Variants in CPEB1 observed in about 807,000 individuals in gnomAD.
CPEB1 encodes the protein cytoplasmic polyadenylation element-binding protein 1.
Under a neutral mutation model 65.8 loss-of-function variants are expected in CPEB1, and 7 were observed. That is an observed-to-expected ratio of 0.11 (90% CI 0.06 to 0.20). The LOEUF (loss-of-function observed/expected upper bound fraction) is 0.20, where lower values mean the gene tolerates loss of function less well. Ranked by LOEUF, CPEB1 falls within the 10% of genes least tolerant of loss-of-function variation. The probability of loss-of-function intolerance (pLI) is 1.00; values close to 1 mark genes in which losing one functional copy is unlikely to be tolerated. For missense variants in CPEB1, 551 were observed against 712.2 expected (o/e 0.77, Z 2.58); for synonymous variants, 262 against 260.0 (o/e 1.01, Z -0.08).
chr15:82,575,930 T>G (rs1259180), intron 3 of CPEB1, among the ~76,000 whole-genome samples: 2 of 151,972 alleles, frequency 1.3e-5, no homozygotes, highest in Non-Finnish European at 2.9e-5. Context: ...GCCCATTTCT[T>G]ACACAACTAA....
rs768624352 is a variant in CPEB1 at position 82,611,053 on chromosome 15, T to A, written c.271+16140A>T. ...CCTACAAAAACACCCACATCTAACA[T>A]CATATTTAATGGTGAATGAAGTCTG... is the stretch of plus-strand genomic sequence containing the variant. On this transcript the variant is annotated intron_variant, in intron 3 of 12. Transcript: ENST00000684509. Among the ~76,000 whole-genome samples, 50 of 138,698 alleles carry A rather than the reference T, an allele frequency of 3.6e-4. 1 individual carries two copies. The highest frequency in any genetic ancestry group is 8.1e-3 in the Middle Eastern group (2 of 246). The allele number at this position is 138,698 out of a possible 152,430, so 91.0% of individuals were successfully genotyped here. A position where few individuals can be genotyped will look rare whatever the true frequency, so the allele number is the denominator to read the frequency against.
intron 3 of CPEB1, among the ~76,000 whole-genome samples, chr15:82,577,701 T>A (rs544298810): frequency 6.6e-6 from 1 of 152,158 alleles, no homozygotes; most frequent in African/African-American, 2.4e-5. Flanking sequence ...GAAGTATATT[T>A]TTGTAAAGAC....
At chr15:82,603,832 A>C (rs1194682156) in intron 3 of CPEB1, among the ~76,000 whole-genome samples, 1 of 151,322 alleles carries the variant, frequency 6.6e-6, no homozygotes, top group Non-Finnish European at 1.5e-5. Context: ...ATGAACAACA[A>C]CAAACAAGAA....
rs867916729 is a variant in CPEB1 at position 82,617,115 on chromosome 15, G to A, written c.271+10078C>T. Reference sequence around the variant, plus strand: ...AACCACCGATCTCCCTGCTGTCACTGGAGGTTAGTTGGCATTTGATAGAAT... The same window carrying A: ...AACCACCGATCTCCCTGCTGTCACTAGAGGTTAGTTGGCATTTGATAGAAT... On this transcript the variant is annotated intron_variant, in intron 3 of 12. Coordinates refer to ENST00000684509, the MANE Select transcript of CPEB1 (RefSeq NM_001365242.1). Among the ~76,000 whole-genome samples the A allele has an allele frequency of 2.4e-4, 36 of 152,302 alleles. No individual in the cohort carries two copies. The Middle Eastern group carries it at 0.01, about 43-fold the overall frequency.
intron 3 of CPEB1, among the ~76,000 whole-genome samples, chr15:82,575,616 T>C (rs2040567537): frequency 6.6e-6 from 1 of 152,134 alleles, no homozygotes; most frequent in Non-Finnish European, 1.5e-5. Flanking sequence ...AAATCTCAAT[T>C]GTTAAAAGGC....
At chr15:82,634,585 CTGTT>C (rs1217159147) in intron 1 of CPEB1, among the ~76,000 whole-genome samples, 2 of 152,144 alleles carry the variant, frequency 1.3e-5, no homozygotes, top group African/African-American at 4.8e-5. Context: ...TTATAGAAGA[CTGTT>C]TGAAGGGCCC....
At position 82,592,446 on chromosome 15, in the gene CPEB1, G is replaced by A. The variant is rs370162263; in HGVS notation, c.272-20914C>T. 2.1e-3 allele frequency among the ~76,000 whole-genome samples: 317 copies of A among 151,518 alleles called. 1 individual carries two copies. The highest frequency in any genetic ancestry group is 7.5e-3 in the African/African-American group (309 of 41,350). On this transcript the variant is annotated intron_variant, in intron 3 of 12. Transcript: ENST00000684509. ...CTACCAAAAATACAGGGACTGGTAC[G>A]GCATGCCTGTAATCCCAGCTACCTA...
At chr15:82,634,212 G>T (rs12050552) in intron 1 of CPEB1, among the ~76,000 whole-genome samples, 1 of 149,502 alleles carries the variant, frequency 6.7e-6, no homozygotes, top group African/African-American at 2.5e-5. Context: ...CTATGGTTCA[G>T]AAGTATCACT....
intron 1 of CPEB1, 38 bp from the exon 2 acceptor site, chr15:82,628,594 G>C (rs2045970499): frequency 3.3e-6 from 2 of 599,826 alleles, no homozygotes; most frequent in South Asian, 2.1e-5. Flanking sequence ...GTACCACATA[G>C]AAACATTTTT....
chr15:82,579,998 C>T (rs113584172), intron 3 of CPEB1, among the ~76,000 whole-genome samples: 117 of 130,124 alleles, frequency 9.0e-4, no homozygotes, highest in African/African-American at 2.8e-3. Context: ...TAAAACTCAG[C>T]GGGAGAAGTG....
intron 7 of CPEB1, 128 bp downstream of exon 7, chr15:82,553,750 T>G: frequency 1.3e-6 from 1 of 777,436 alleles, no homozygotes; most frequent in South Asian, 1.5e-5. Context: ...ACCTCTCCCC[T>G]CAGACACTCA....
chr15:82,548,344 T>A (rs556482131), intron 10 of CPEB1, among the ~76,000 whole-genome samples: 39 of 152,086 alleles, frequency 2.6e-4, no homozygotes, highest in African/African-American at 8.9e-4. Flanking sequence ...AAAAAAAAAA[T>A]TTTATTTAAC....
chr15:82,585,944 T>A (rs963947516), intron 3 of CPEB1, among the ~76,000 whole-genome samples: 1 of 151,766 alleles, frequency 6.6e-6, no homozygotes, highest in African/African-American at 2.4e-5. Context: ...AGGCACTAGC[T>A]AGGCAACCAG....
chr15:82,573,260 T>A, intron 3 of CPEB1: 2 of 1,122,144 alleles, frequency 1.8e-6, no homozygotes, highest in Non-Finnish European at 2.5e-6. Context: ...AAAGCTTTGC[T>A]GCTGTGTCAT....
rs544402277 is a variant in CPEB1 at position 82,582,957 on chromosome 15, G to A, written c.272-11425C>T. ...GGGGTTTCATCATGTTAACCAGGAT[G>A]GTCTTGATCTCCTGACCTTGTGATC... On this transcript the variant is annotated intron_variant, in intron 3 of 12. Coordinates refer to ENST00000684509, the MANE Select transcript of CPEB1 (RefSeq NM_001365242.1). Among the ~76,000 whole-genome samples, 3 of 151,838 alleles carry A rather than the reference G, an allele frequency of 2.0e-5. No individual in the cohort carries two copies. The South Asian group carries it at 6.3e-4, about 32-fold the overall frequency.
intron 4 of CPEB1, among the ~76,000 whole-genome samples, chr15:82,567,863 A>G (rs548972755): frequency 6.6e-6 from 1 of 152,116 alleles, no homozygotes; most frequent in Admixed American, 6.5e-5. Context: ...GCTGCACACA[A>G]AAGAGTCGCA....
chr15:82,606,556 C>T (rs57535413), intron 3 of CPEB1, among the ~76,000 whole-genome samples: 1,099 of 108,822 alleles, frequency 0.01, 111 homozygotes, highest in Middle Eastern at 0.021. Context: ...CGGTGGCTCA[C>T]GCCTGTAATC....
At chr15:82,571,560 C>T in intron 3 of CPEB1, 28 bp from the exon 4 acceptor site, 1 of 1,600,620 alleles carries the variant, frequency 6.2e-7, no homozygotes, top group Non-Finnish European at 8.5e-7. Flanking sequence ...ACAGCAGAAA[C>T]CTCAGAGTTA....
chr15:82,573,233 G>GT, intron 3 of CPEB1: 1 of 1,327,298 alleles, frequency 7.5e-7, no homozygotes, highest in Non-Finnish European at 9.9e-7. Flanking sequence ...TTCCTTTGGA[G>GT]ATTTTTTTTT....
Sources: gnomAD v4.1 joint callset for allele counts (sites outside exome capture counted in the v4.1 genomes callset) on GRCh38, gnomAD v4.1.1 for gene constraint, MANE v1.5 for transcripts, NCBI Gene and HGNC (gene_info 2026-07-23, HGNC 2026-07-21) for gene names.